The following ATL2 variants were observed in gnomAD, a reference collection of about 807,000 sequenced individuals.
The protein encoded by ATL2 is atlastin GTPase 2.
ATL2 carries 31 observed loss-of-function variants against 73.9 expected under a neutral mutation model. That is an observed-to-expected ratio of 0.42 (90% CI 0.32 to 0.57). The LOEUF (loss-of-function observed/expected upper bound fraction) is 0.57. Ranked by LOEUF, ATL2 falls within the 20% of genes least tolerant of loss-of-function variation. The pLI is 0.14. For synonymous variants in ATL2, 291 were observed against 237.5 expected (o/e 1.23, Z -2.07); for missense variants, 738 against 702.6 (o/e 1.05, Z -0.57).
intron 12 of ATL2, among the ~76,000 whole-genome samples, chr2:38,297,071 GAATA>G (rs1483224885): frequency 1.3e-5 from 2 of 152,260 alleles, no homozygotes; most frequent in Non-Finnish European, 2.9e-5. Flanking sequence ...AATTTAAATA[GAATA>G]AATATCCAAA....
chr2:38,321,770 T>C (rs552722862), intron 2 of ATL2, among the ~76,000 whole-genome samples: 1 of 152,164 alleles, frequency 6.6e-6, no homozygotes, highest in South Asian at 2.1e-4. Flanking sequence ...TGGAGAGCAG[T>C]GGCACAATCA....
At chr2:38,357,513 G>C (rs1326877793) in intron 1 of ATL2, among the ~76,000 whole-genome samples, 1 of 151,314 alleles carries the variant, frequency 6.6e-6, no homozygotes, top group Non-Finnish European at 1.5e-5. Flanking sequence ...AATTAGCTGG[G>C]CGTGGTGGCA....
chr2:38,338,535 G>GGAAT (rs1003068140), intron 2 of ATL2, among the ~76,000 whole-genome samples: 6 of 118,080 alleles, frequency 5.1e-5, no homozygotes, highest in African/African-American at 3.2e-4. Context: ...TATAAAGGAT[G>GGAAT]GAATGAATAA....
chr2:38,357,423 T>C lies in ATL2; in HGVS notation c.119-13911A>G, dbSNP rs896996036. Among the ~76,000 whole-genome samples the C allele has an allele frequency of 8.0e-5, 12 of 150,652 alleles. 1 individual carries two copies. Among genetic ancestry groups the C allele is most frequent in the Middle Eastern group, 7.0e-3 (2 of 284 alleles). ...TTCCTACAGAACCCTCAGTCAGAAA[T>C]GTTTCCTATCACATTTGGGATTAAG... is the stretch of plus-strand genomic sequence containing the variant. On this transcript the variant is annotated intron_variant, in intron 1 of 12. Coordinates refer to ENST00000378954, the MANE Select transcript of ATL2 (RefSeq NM_001135673.4).
chr2:38,311,380 A>AGT, intron 7 of ATL2, among the ~76,000 whole-genome samples: 1 of 79,608 alleles, frequency 1.3e-5, no homozygotes, highest in Non-Finnish European at 3.1e-5. Context: ...TATAACTCAC[A>AGT]CAGTCTCCTA....
chr2:38,363,703 G>A (rs960002924), intron 1 of ATL2, among the ~76,000 whole-genome samples: 1 of 152,122 alleles, frequency 6.6e-6, no homozygotes, highest in Non-Finnish European at 1.5e-5. Flanking sequence ...CATGAATTAC[G>A]AGGAAGACCT....
chr2:38,356,115 T>A (rs1248837826), intron 1 of ATL2, among the ~76,000 whole-genome samples: 2 of 152,148 alleles, frequency 1.3e-5, no homozygotes, highest in African/African-American at 4.8e-5. Flanking sequence ...TATGTAATTT[T>A]AAGTTTTCTA....
At chr2:38,346,670 GC>G (rs1670032651) in intron 1 of ATL2, among the ~76,000 whole-genome samples, 1 of 152,144 alleles carries the variant, frequency 6.6e-6, no homozygotes, top group African/African-American at 2.4e-5. Context: ...TAAGGTTCGC[GC>G]TCCTATGAGA....
intron 1 of ATL2, chr2:38,376,282 T>A: frequency 7.4e-7 from 1 of 1,354,168 alleles, no homozygotes; most frequent in East Asian, 2.6e-5. Context: ...AGGGATACAC[T>A]GCGCTGCCAA....
intron 9 of ATL2, among the ~76,000 whole-genome samples, chr2:38,304,108 C>T (rs1016656327): frequency 6.6e-6 from 1 of 152,098 alleles, no homozygotes; most frequent in Non-Finnish European, 1.5e-5. Flanking sequence ...TATTAAACCA[C>T]CACCACAACA....
At chr2:38,320,679 C>A (rs1047028310) in intron 2 of ATL2, among the ~76,000 whole-genome samples, 3 of 152,020 alleles carry the variant, frequency 2.0e-5, no homozygotes, top group Admixed American at 1.3e-4. Flanking sequence ...CTCAATGTAC[C>A]CCACAGGAAA....
intron 1 of ATL2, among the ~76,000 whole-genome samples, chr2:38,367,908 C>T (rs1404626049): frequency 6.7e-6 from 1 of 150,216 alleles, no homozygotes; most frequent in Admixed American, 6.7e-5. Flanking sequence ...GCTGGGATTA[C>T]AAACGTAAAC....
intron 2 of ATL2, among the ~76,000 whole-genome samples, chr2:38,339,184 C>G (rs1026916307): frequency 3.3e-5 from 5 of 152,092 alleles, no homozygotes; most frequent in Non-Finnish European, 7.4e-5. Context: ...CTACTGCACT[C>G]CAGCCTGGGC....
At chr2:38,325,699 TACACACACAC>T (rs1221635411) in intron 2 of ATL2, among the ~76,000 whole-genome samples, 291 of 11,254 alleles carry the variant, frequency 0.026, 12 homozygotes, top group South Asian at 0.039. Context: ...CACACACCAG[TACACACACAC>T]ACACACACAC....
intron 1 of ATL2, among the ~76,000 whole-genome samples, chr2:38,369,383 G>C (rs1558461594): frequency 6.6e-6 from 1 of 152,160 alleles, no homozygotes; most frequent in Non-Finnish European, 1.5e-5. Flanking sequence ...TCAGAAGGTA[G>C]AGTGAGCCGA....
chr2:38,296,264 G>T, intron 12 of ATL2, 151 bp from the exon 13 acceptor site: 1 of 1,433,782 alleles, frequency 7.0e-7, no homozygotes, highest in Non-Finnish European at 9.1e-7. Context: ...AAAAACTTAT[G>T]ATGCTACTAG....
At chr2:38,309,982 A>G (rs570682295) in intron 8 of ATL2, among the ~76,000 whole-genome samples, 93 of 152,342 alleles carry the variant, frequency 6.1e-4, no homozygotes, top group Non-Finnish European at 1.1e-3. Flanking sequence ...AGACACTTAT[A>G]TCTGATTTCA....
At chr2:38,352,464 G>C (rs553008001) in intron 1 of ATL2, among the ~76,000 whole-genome samples, 1 of 152,244 alleles carries the variant, frequency 6.6e-6, no homozygotes, top group South Asian at 2.1e-4. Flanking sequence ...TGAAGAACTA[G>C]AGCACAAAGA....
At chr2:38,377,017 CG>C in intron 1 of ATL2, 125 bp downstream of exon 1, 1 of 698,872 alleles carries the variant, frequency 1.4e-6, no homozygotes, top group South Asian at 2.6e-5. Context: ...GCAGGCGCGG[CG>C]GCGGGAGGAG....
Sources: allele counts gnomAD v4.1 joint callset (sites outside exome capture counted in the v4.1 genomes callset), GRCh38; gene constraint gnomAD v4.1.1; transcripts MANE v1.5; gene names NCBI Gene and HGNC (gene_info 2026-07-23, HGNC 2026-07-21).